CSTPP1: variants seen among roughly 807,000 people sequenced by gnomAD.
CSTPP1 encodes the protein UPF0705 protein C11orf49.
the CSTPP1 span, among the ~76,000 whole-genome samples, chr11:47,146,572 C>CA: frequency 6.6e-6 from 1 of 152,016 alleles, no homozygotes; most frequent in African/African-American, 2.4e-5. Context: ...ATCAAATTGG[C>CA]AAAAATTTTA....
the CSTPP1 span, among the ~76,000 whole-genome samples, chr11:46,939,423 C>T: frequency 2.0e-5 from 3 of 151,938 alleles, no homozygotes; most frequent in Non-Finnish European, 2.9e-5. Context: ...TTCTGGTTTA[C>T]ATTTTGTTTA....
chr11:47,087,948 C>A, the CSTPP1 span, among the ~76,000 whole-genome samples: 1 of 152,088 alleles, frequency 6.6e-6, no homozygotes, highest in Non-Finnish European at 1.5e-5. Flanking sequence ...TCTGGAGGGC[C>A]TGCTTCTAAG....
the CSTPP1 span, among the ~76,000 whole-genome samples, chr11:47,031,177 A>G: frequency 6.6e-6 from 1 of 152,252 alleles, no homozygotes; most frequent in African/African-American, 2.4e-5. Flanking sequence ...GACATCATAC[A>G]TAAATTCTTA....
chr11:46,942,726 T>C, the CSTPP1 span, among the ~76,000 whole-genome samples: 5 of 152,154 alleles, frequency 3.3e-5, no homozygotes, highest in Non-Finnish European at 7.3e-5. Flanking sequence ...ACAACTACCA[T>C]ATGAAGTGGG....
At chr11:47,136,558 G>A in the CSTPP1 span, among the ~76,000 whole-genome samples, 5 of 152,150 alleles carry the variant, frequency 3.3e-5, no homozygotes, top group Non-Finnish European at 7.4e-5. Context: ...GGAGATTTGG[G>A]GTTTTTGTCT....
At chr11:46,995,400 C>T in the CSTPP1 span, among the ~76,000 whole-genome samples, 4 of 152,016 alleles carry the variant, frequency 2.6e-5, no homozygotes, top group African/African-American at 9.7e-5. Context: ...TCCTGCTTTC[C>T]CTTGTGGGCA....
the CSTPP1 span, among the ~76,000 whole-genome samples, chr11:47,127,324 C>A: frequency 6.6e-6 from 1 of 152,206 alleles, no homozygotes; most frequent in African/African-American, 2.4e-5. Context: ...TTGCATAATT[C>A]TACACTGTCT....
At chr11:47,157,008 C>T in the CSTPP1 span, 63 of 1,613,482 alleles carry the variant, frequency 3.9e-5, no homozygotes, top group Admixed American at 1.0e-4. Context: ...CACACCCCCA[C>T]CCCCACGGTT....
chr11:46,951,905 C>G, the CSTPP1 span, among the ~76,000 whole-genome samples: 2 of 152,172 alleles, frequency 1.3e-5, no homozygotes, highest in Non-Finnish European at 2.9e-5. Flanking sequence ...TGCTCCCACA[C>G]CAGTACTTAC....
chr11:47,091,890 C>T, the CSTPP1 span, among the ~76,000 whole-genome samples: 1 of 152,196 alleles, frequency 6.6e-6, no homozygotes, highest in African/African-American at 2.4e-5. Context: ...CAGGAGGAAC[C>T]AGCCTGCTGA....
chr11:46,946,389 GGCTCAACGCCTGTAATCCCA>G, the CSTPP1 span, among the ~76,000 whole-genome samples: 1 of 152,250 alleles, frequency 6.6e-6, no homozygotes, highest in Non-Finnish European at 1.5e-5. Flanking sequence ...CGGGAGCAGT[GGCTCAACGCCTGTAATCCCA>G]GCACTTTGGG....
the CSTPP1 span, among the ~76,000 whole-genome samples, chr11:46,942,460 T>C: frequency 6.6e-6 from 1 of 152,186 alleles, no homozygotes; most frequent in Non-Finnish European, 1.5e-5. Flanking sequence ...TATTTTTTAC[T>C]CCACCTAATT....
chr11:47,092,443 T>G, the CSTPP1 span, among the ~76,000 whole-genome samples: 1 of 152,206 alleles, frequency 6.6e-6, no homozygotes, highest in East Asian at 1.9e-4. Flanking sequence ...TTTGGAGATT[T>G]GTTGAAACCT....
chr11:47,065,400 C>G, the CSTPP1 span, among the ~76,000 whole-genome samples: 1 of 152,084 alleles, frequency 6.6e-6, no homozygotes, highest in East Asian at 1.9e-4. Flanking sequence ...GCCTTGAACT[C>G]CTGGGCTCAA....
chr11:47,101,158 C>T, the CSTPP1 span, among the ~76,000 whole-genome samples: 7 of 105,064 alleles, frequency 6.7e-5, no homozygotes, highest in Non-Finnish European at 1.2e-4. Flanking sequence ...GCCACCACAC[C>T]GGCTAATTTT....
At chr11:47,143,290 C>A in the CSTPP1 span, among the ~76,000 whole-genome samples, 322 of 152,310 alleles carry the variant, frequency 2.1e-3, no homozygotes, top group African/African-American at 7.5e-3. Flanking sequence ...ATCAGAACTG[C>A]AAATGGAGGT....
At chr11:47,045,294 A>T in the CSTPP1 span, among the ~76,000 whole-genome samples, 5 of 152,236 alleles carry the variant, frequency 3.3e-5, no homozygotes, top group Non-Finnish European at 5.9e-5. Context: ...AAAGAACTAC[A>T]GGTTTATGTA....
At chr11:46,937,226 G>A in the CSTPP1 span, among the ~76,000 whole-genome samples, 2 of 152,130 alleles carry the variant, frequency 1.3e-5, no homozygotes, top group Non-Finnish European at 2.9e-5. Flanking sequence ...TTTTTCATTA[G>A]GCACTGTGCT....
the CSTPP1 span, among the ~76,000 whole-genome samples, chr11:47,142,033 A>G: frequency 6.6e-6 from 1 of 151,712 alleles, no homozygotes; most frequent in African/African-American, 2.4e-5. Flanking sequence ...TCACGAGGTC[A>G]AGAGATCGAG....
Sources: allele counts gnomAD v4.1 joint callset (sites outside exome capture counted in the v4.1 genomes callset), GRCh38; gene constraint gnomAD v4.1.1; transcripts MANE v1.5; gene names NCBI Gene and HGNC (gene_info 2026-07-23, HGNC 2026-07-21).